GRAMD1C: variants seen among roughly 807,000 people sequenced by gnomAD.
GRAMD1C encodes GRAM domain containing 1C, also known as protein Aster-C.
Under a neutral mutation model 97.8 loss-of-function variants are expected in GRAMD1C, and 89 were observed. The observed-to-expected ratio is 0.91, with a 90% confidence interval of 0.77 to 1.09. GRAMD1C has a LOEUF of 1.09. Ranked by LOEUF, GRAMD1C falls within the 50% of genes least tolerant of loss-of-function variation. The probability of loss-of-function intolerance (pLI) is 0.00; values close to 1 mark genes in which losing one functional copy is unlikely to be tolerated. For synonymous variants in GRAMD1C, 256 were observed against 267.0 expected (o/e 0.96, Z 0.40); for missense variants, 740 against 766.4 (o/e 0.97, Z 0.41).
chr3:113,875,998 T>C (rs968714122), intron 4 of GRAMD1C, 167 bp from the exon 5 acceptor site: 3 of 516,928 alleles, frequency 5.8e-6, no homozygotes, highest in African/African-American at 2.0e-5. Context: ...TTACCCTGTT[T>C]TTCTCAGAGA....
chr3:113,869,586 TAGC>T lies in GRAMD1C; in HGVS notation c.257_259del (p.Ala86del), dbSNP rs1182927315. The T allele has an allele frequency of 6.9e-7, 1 of 1,442,484 alleles. No homozygotes were observed. Among genetic ancestry groups the T allele is most frequent in the South Asian group, 1.2e-5 (1 of 80,618 alleles). 89.4% of individuals were successfully genotyped at this position (1,442,484 alleles called of 1,614,324 possible). ...CATCTACCTGATACAGAGAGGCTGATAGCAGGTAAAATAGAAATTTTCAAAAAA... is the reference window on the plus strand; with the variant it reads ...CATCTACCTGATACAGAGAGGCTGATAGGTAAAATAGAAATTTTCAAAAAA... On this transcript the variant is annotated inframe_deletion and splice_region_variant, in exon 3 of 18. Transcript: ENST00000358160.
chr3:113,885,358 T>C, intron 6 of GRAMD1C: 1 of 1,594,080 alleles, frequency 6.3e-7, no homozygotes, highest in Non-Finnish European at 8.6e-7. Flanking sequence ...TGCCAAGCTC[T>C]GGAGCTTCTT....
chr3:113,869,481 GA>G (rs1934707477), intron 2 of GRAMD1C, 25 bp from the exon 3 acceptor site: 1 of 1,075,264 alleles, frequency 9.3e-7, no homozygotes, highest in Admixed American at 2.1e-5. Context: ...CAATTAGACA[GA>G]AATGTAATCT....
intron 7 of GRAMD1C, among the ~76,000 whole-genome samples, chr3:113,902,508 C>T (rs1266506851): frequency 1.3e-5 from 2 of 152,098 alleles, no homozygotes; most frequent in Non-Finnish European, 2.9e-5. Context: ...TTTTTTGATT[C>T]TCAGTTTTCT....
upstream of GRAMD1C, among the ~76,000 whole-genome samples, chr3:113,836,899 C>G (rs1709639624): frequency 6.6e-6 from 1 of 152,150 alleles, no homozygotes; most frequent in Admixed American, 6.6e-5. Context: ...CCACCTCAGC[C>G]TCCCAAAGTG....
chr3:113,913,944 A>T (rs1936707864), intron 9 of GRAMD1C, among the ~76,000 whole-genome samples: 1 of 152,224 alleles, frequency 6.6e-6, no homozygotes, highest in Non-Finnish European at 1.5e-5. Context: ...ATTGCAGATC[A>T]CTTTAAACCA....
intron 6 of GRAMD1C, among the ~76,000 whole-genome samples, chr3:113,896,258 C>G (rs114539390): frequency 0.014 from 2,084 of 152,326 alleles, 38 homozygotes; most frequent in African/African-American, 0.048. Context: ...TTAGATACCA[C>G]TGTATACTCC....
At chr3:113,859,685 T>C (rs1417881888) in intron 2 of GRAMD1C, among the ~76,000 whole-genome samples, 1 of 152,010 alleles carries the variant, frequency 6.6e-6, no homozygotes, top group Non-Finnish European at 1.5e-5. Context: ...AGGAAAGAGA[T>C]TGAATTAGTG....
At chr3:113,874,097 A>G (rs1335012760) in intron 3 of GRAMD1C, among the ~76,000 whole-genome samples, 3 of 152,228 alleles carry the variant, frequency 2.0e-5, no homozygotes, top group Non-Finnish European at 4.4e-5. Context: ...GTATTTGCTT[A>G]GACATTTAAC....
At chr3:113,860,616 A>C (rs1389379287) in intron 2 of GRAMD1C, among the ~76,000 whole-genome samples, 1 of 152,212 alleles carries the variant, frequency 6.6e-6, no homozygotes, top group Admixed American at 6.5e-5. Flanking sequence ...TACACTTCCC[A>C]GTTTTGAGGA....
intron 10 of GRAMD1C, chr3:113,920,287 G>A: frequency 1.8e-6 from 1 of 550,296 alleles, no homozygotes; most frequent in Non-Finnish European, 3.1e-6. Context: ...TGCAGCTGTA[G>A]AGGGGAGAAA....
intron 6 of GRAMD1C, among the ~76,000 whole-genome samples, 163 bp downstream of exon 6, chr3:113,882,995 G>A (rs1935321282): frequency 6.6e-6 from 1 of 152,060 alleles, no homozygotes; most frequent in African/African-American, 2.4e-5. Flanking sequence ...AAGTTAAGAT[G>A]TTAATTATAA....
chr3:113,944,978 C>T (rs1565053), intron 17 of GRAMD1C, among the ~76,000 whole-genome samples: 1,690 of 152,232 alleles, frequency 0.011, 29 homozygotes, highest in African/African-American at 0.038. Flanking sequence ...CTGGGGAAAA[C>T]TACATGAAGA....
upstream of GRAMD1C, among the ~76,000 whole-genome samples, chr3:113,834,813 A>ACCTGTTATC (rs1371469436): frequency 6.6e-6 from 1 of 150,570 alleles, no homozygotes; most frequent in Non-Finnish European, 1.5e-5. Flanking sequence ...GGTGGTGGGC[A>ACCTGTTATC]CCTGTTATCC....
chr3:113,869,716 A>G, intron 3 of GRAMD1C, 125 bp downstream of exon 3: 1 of 564,098 alleles, frequency 1.8e-6, no homozygotes, highest in Non-Finnish European at 3.2e-6. Context: ...CAAGTTAAGC[A>G]TCATCCTTAT....
intron 2 of GRAMD1C, among the ~76,000 whole-genome samples, chr3:113,863,780 A>G (rs1466620318): frequency 6.6e-6 from 1 of 152,062 alleles, no homozygotes; most frequent in Non-Finnish European, 1.5e-5. Context: ...CCAGGCAGGT[A>G]TTGCACTCTC....
chr3:113,861,345 C>T (rs1934367366), intron 2 of GRAMD1C, among the ~76,000 whole-genome samples: 2 of 151,944 alleles, frequency 1.3e-5, no homozygotes, highest in Admixed American at 6.6e-5. Flanking sequence ...TAAATTGGAC[C>T]TCATTAAAAT....
intron 6 of GRAMD1C, among the ~76,000 whole-genome samples, chr3:113,885,082 G>A (rs1935415164): frequency 6.6e-6 from 1 of 151,348 alleles, no homozygotes; most frequent in Non-Finnish European, 1.5e-5. Flanking sequence ...GTGGGCCCCC[G>A]CGGGCTGCCC....
At chr3:113,940,575 A>T (rs756651271) in intron 17 of GRAMD1C, among the ~76,000 whole-genome samples, 2 of 152,182 alleles carry the variant, frequency 1.3e-5, no homozygotes, top group African/African-American at 4.8e-5. Context: ...ACTGTTGTAT[A>T]TCTTTTTTCA....
Sources: allele counts gnomAD v4.1 joint callset (sites outside exome capture counted in the v4.1 genomes callset), GRCh38; gene constraint gnomAD v4.1.1; transcripts MANE v1.5; gene names NCBI Gene and HGNC (gene_info 2026-07-23, HGNC 2026-07-21).